Variants in GPR17 observed in about 807,000 individuals in gnomAD.
GPR17 encodes uracil nucleotide/cysteinyl leukotriene receptor.
GPR17 carries 4 observed loss-of-function variants against 1.5 expected under a neutral mutation model. The ratio of observed to expected loss-of-function variants is 2.73; its 90% CI spans 1.35 to 6.25. The LOEUF (loss-of-function observed/expected upper bound fraction) is 6.25, where lower values mean the gene tolerates loss of function less well. GPR17 is among the 30% of genes most tolerant of loss of function. The pLI is 0.00. For synonymous variants in GPR17, 209 were observed against 207.6 expected (o/e 1.01, Z -0.06); for missense variants, 463 against 462.1 (o/e 1.00, Z -0.02).
chr2:127,650,930 G>C lies in GPR17; in HGVS notation c.195G>C (p.Pro65=). Residue 65 remains proline, a synonymous_variant, in exon 2 of 2, where the codon CCG becomes CCC. Coordinates refer to ENST00000486700, the MANE Select transcript of GPR17 (RefSeq NM_001161417.2). ...TCCGAGACCACAAGTCCGGGACCCC[G>C]GCCAACGTGTTCCTGATGCATCTGG... ...LFIRDHKSGT[P]ANVFLMHLAV... 3 of 1,613,982 alleles carry C rather than the reference G, an allele frequency of 1.9e-6. No homozygotes were observed. The highest frequency in any genetic ancestry group is 8.5e-7 in the Non-Finnish European group (1 of 1,180,042).
chr2:127,649,722 G>C (rs573746589), intron 1 of GPR17, among the ~76,000 whole-genome samples: 14 of 152,368 alleles, frequency 9.2e-5, no homozygotes, highest in African/African-American at 3.4e-4. Flanking sequence ...ACCCTATCCA[G>C]ACCCAGGGTT....
chr2:127,650,045 A>G, intron 1 of GPR17: 2 of 1,608,686 alleles, frequency 1.2e-6, no homozygotes, highest in Non-Finnish European at 1.7e-6. Flanking sequence ...TGGATCCAGA[A>G]AGCCCCCAAG....
rs574404888 is a variant in GPR17, at chr2:127,650,631, T to C, written c.-20-85T>C. ...TTGAAAGTGGGAGGTTCTGAAGGCA[T>C]TGGAGGCCTGACTTCTGGACTTCAG... On this transcript the variant is annotated intron_variant, in intron 1 of 1. Coordinates refer to ENST00000486700, the MANE Select transcript of GPR17 (RefSeq NM_001161417.2). 6.6e-5 allele frequency: 62 copies of C among 935,988 alleles called. 1 individual carries two copies. The highest frequency in any genetic ancestry group is 4.8e-4 in the East Asian group (20 of 41,648). The allele number at this position is 935,988 out of a possible 1,614,324, so 58.0% of individuals were successfully genotyped here. A position where few individuals can be genotyped will look rare whatever the true frequency, so the allele number is the denominator to read the frequency against.
rs2105243642 is a variant in GPR17 at position 127,647,864 on chromosome 2, T to A, written c.-21+1620T>A. 6.6e-6 allele frequency among the ~76,000 whole-genome samples: 1 copy of A among 151,588 alleles called. No homozygotes were observed. ...ACACCCTCAAAGTCATGGGCCCCCCTCCCCTGCCACCGTCCCACCGGTACC... is the reference window on the plus strand; with the variant it reads ...ACACCCTCAAAGTCATGGGCCCCCCACCCCTGCCACCGTCCCACCGGTACC... On this transcript the variant is annotated intron_variant, in intron 1 of 1. Coordinates refer to ENST00000486700, the MANE Select transcript of GPR17 (RefSeq NM_001161417.2). The surrounding 1 kb of genome is among the most constrained non-coding windows in gnomAD (Gnocchi z 4.3).
chr2:127,650,185 C>G (rs971697602), intron 1 of GPR17: 20 of 999,628 alleles, frequency 2.0e-5, no homozygotes, highest in Middle Eastern at 3.1e-4. Context: ...AAGCAGAAAG[C>G]GGTGACACCC....
Position 127,651,297 on chromosome 2 carries a change from A to G in GPR17, c.562A>G (p.Lys188Glu). The G allele has an allele frequency of 6.2e-7, 1 of 1,608,542 alleles. No individual in the cohort carries two copies. The highest frequency in any genetic ancestry group is 8.5e-7 in the Non-Finnish European group (1 of 1,179,946). The stretch of plus-strand genomic sequence containing the variant: ...GGTCTGCCTGCAGCTGTACCGGGAG[A>G]AGGCCTCCCACCATGCCCTGGTGTC... ...TVVCLQLYREKASHHALVSLA... is the reference protein window; with the variant it reads ...TVVCLQLYREEASHHALVSLA... Residue 188 changes from lysine (K) to glutamate (E), a missense_variant, in exon 2 of 2, where the codon AAG becomes GAG. Physicochemically the swap from Lys to Glu is moderately conservative, Grantham distance 56. Transcript: ENST00000486700.
chr2:127,651,371 C>G lies in GPR17; in HGVS notation c.636C>G (p.Tyr212Ter), dbSNP rs757763005. Reference protein sequence around the residue: ...TFPFITTVTCYLLIIRSLRQG... With the variant: ...TFPFITTVTC Reference sequence around the variant, plus strand: ...CGTTCATCACCACGGTCACCTGCTACCTGCTGATCATCCGCAGCCTGCGGC... The same window carrying G: ...CGTTCATCACCACGGTCACCTGCTAGCTGCTGATCATCCGCAGCCTGCGGC... The change falls in exon 2 of 2, where the codon TAC (tyrosine) becomes TAG (stop). Residue 212 changes from tyrosine (Y) to a stop codon, truncating the protein, a stop_gained. Coordinates refer to ENST00000486700, the MANE Select transcript of GPR17 (RefSeq NM_001161417.2). LOFTEE classifies it low-confidence loss of function (END_TRUNC). 41 of 1,612,532 alleles carry G rather than the reference C, an allele frequency of 2.5e-5. No individual in the cohort carries two copies. Among genetic ancestry groups the G allele is most frequent in the Non-Finnish European group, 3.5e-5 (41 of 1,180,054 alleles).
In GPR17 at chr2:127,651,437, G is replaced by T; in HGVS notation, c.702G>T (p.Val234=). Residue 234 remains valine, a synonymous_variant, in exon 2 of 2, where the codon GTG becomes GTT. Transcript: ENST00000486700. ...RVEKRLKTKA[V]RMIAIVLAIF... Reference sequence around the variant, plus strand: ...AGAAGCGCCTCAAGACCAAGGCAGTGCGCATGATCGCCATAGTGCTGGCCA... The same window carrying T: ...AGAAGCGCCTCAAGACCAAGGCAGTTCGCATGATCGCCATAGTGCTGGCCA... 1 of 1,612,878 alleles carries T rather than the reference G, an allele frequency of 6.2e-7. No individual in the cohort carries two copies.
chr2:127,650,825 G>T lies in GPR17; in HGVS notation c.90G>T (p.Glu30Asp). Residue 30 changes from glutamate to aspartate, a missense_variant, in exon 2 of 2, where the codon GAG becomes GAT. Coordinates refer to ENST00000486700, the MANE Select transcript of GPR17 (RefSeq NM_001161417.2). ...AEQCGQETPLENMLFASFYLL... is the reference protein window; with the variant it reads ...AEQCGQETPLDNMLFASFYLL... ...AATGTGGCCAGGAGACGCCACTGGA[G>T]AACATGCTGTTCGCCTCCTTCTACC... The T allele has an allele frequency of 6.2e-7, 1 of 1,614,086 alleles. No homozygotes were observed. Among genetic ancestry groups the T allele is most frequent in the Non-Finnish European group, 8.5e-7 (1 of 1,179,976 alleles).
Position 127,651,775 on chromosome 2 carries a change from C to T in GPR17, c.*20C>T. 6.2e-7 allele frequency: 1 copy of T among 1,604,962 alleles called. No individual in the cohort carries two copies. The highest frequency in any genetic ancestry group is 8.5e-7 in the Non-Finnish European group (1 of 1,174,722). ...CTGTGAGCGGGGGGCGCCGTCCAGG[C>T]CGAGCGCAGACTGTTTAGGACTCAG... is the stretch of plus-strand genomic sequence containing the variant. On this transcript the variant is annotated 3_prime_UTR_variant, in exon 2 of 2. Coordinates refer to ENST00000486700, the MANE Select transcript of GPR17 (RefSeq NM_001161417.2).
intron 1 of GPR17, among the ~76,000 whole-genome samples, chr2:127,648,580 GC>G (rs2105248860): frequency 6.6e-6 from 1 of 152,258 alleles, no homozygotes; most frequent in African/African-American, 2.4e-5. Context: ...CGTGCCACCA[GC>G]ATCCTGAGAC....
intron 1 of GPR17, among the ~76,000 whole-genome samples, chr2:127,648,813 CAGG>C (rs912080277): frequency 1.1e-3 from 161 of 151,282 alleles, no homozygotes; most frequent in African/African-American, 3.8e-3. Context: ...CCCAGCTATT[CAGG>C]AGGTTGAGGT....
intron 1 of GPR17, chr2:127,650,296 C>G: frequency 1.7e-6 from 1 of 578,938 alleles, no homozygotes; most frequent in Non-Finnish European, 3.1e-6. Context: ...AGCTGGAATC[C>G]CGGAGACACA....
In GPR17 at chr2:127,647,525, C is replaced by T. The variant is rs969521128; in HGVS notation, c.-21+1281C>T. On this transcript the variant is annotated intron_variant, in intron 1 of 1. Transcript: ENST00000486700. The surrounding 1 kb of genome is among the most constrained non-coding windows in gnomAD (Gnocchi z 4.3). ...CAGTCGTACCTATGAGCTGCTCTCTCGTGGGGCCAGGTGATGCCTGCACTG... is the reference window on the plus strand; with the variant it reads ...CAGTCGTACCTATGAGCTGCTCTCTTGTGGGGCCAGGTGATGCCTGCACTG... 2.6e-5 allele frequency among the ~76,000 whole-genome samples: 4 copies of T among 152,168 alleles called. No individual in the cohort carries two copies. The highest frequency in any genetic ancestry group is 4.4e-5 in the Non-Finnish European group (3 of 68,016).
Position 127,651,947 on chromosome 2 carries a change from C to A in GPR17, c.*192C>A. 1.6e-6 allele frequency: 1 copy of A among 627,200 alleles called. No homozygotes were observed. The highest frequency in any genetic ancestry group is 2.9e-6 in the Non-Finnish European group (1 of 349,894). The allele number at this position is 627,200 out of a possible 1,614,324, so 38.9% of individuals were successfully genotyped here. A position where few individuals can be genotyped will look rare whatever the true frequency, so the allele number is the denominator to read the frequency against. On this transcript the variant is annotated 3_prime_UTR_variant, in exon 2 of 2. Transcript: ENST00000486700. The stretch of plus-strand genomic sequence containing the variant: ...TGACAAAGGGGATCCATCGGCCACC[C>A]CTCTGCAGGGGCTTGTGATGGCTAC...
At position 127,651,291 on chromosome 2, in the gene GPR17, C is replaced by G; in HGVS notation, c.556C>G (p.Arg186Gly). 1 of 1,607,984 alleles carries G rather than the reference C, an allele frequency of 6.2e-7. No individual in the cohort carries two copies. The highest frequency in any genetic ancestry group is 8.5e-7 in the Non-Finnish European group (1 of 1,179,882). The stretch of plus-strand genomic sequence containing the variant: ...CACGGTGGTCTGCCTGCAGCTGTAC[C>G]GGGAGAAGGCCTCCCACCATGCCCT... The part of the protein sequence containing the change: ...NHTVVCLQLY[R>G]EKASHHALVS... The change falls in exon 2 of 2, where the codon CGG becomes GGG. Residue 186 changes from arginine (R) to glycine (G), a missense_variant. Physicochemically the swap from Arg to Gly is moderately radical, Grantham distance 125. Coordinates refer to ENST00000486700, the MANE Select transcript of GPR17 (RefSeq NM_001161417.2).
intron 1 of GPR17, 79 bp downstream of exon 1, chr2:127,646,323 G>A (rs1331888234): frequency 1.3e-5 from 2 of 152,264 alleles, no homozygotes; most frequent in Non-Finnish European, 1.5e-5. Flanking sequence ...CCCTGCCCAG[G>A]GAGACAGGCA....
At chr2:127,650,001 C>T (rs1202955236) in intron 1 of GPR17, 3 of 1,604,398 alleles carry the variant, frequency 1.9e-6, no homozygotes, top group Non-Finnish European at 2.6e-6. Flanking sequence ...CAGGTCTCCC[C>T]ACCTGTCAGG....
Position 127,651,850 on chromosome 2 carries a change from G to A in GPR17, c.*95G>A. 1 of 1,187,842 alleles carries A rather than the reference G, an allele frequency of 8.4e-7. No homozygotes were observed. Among genetic ancestry groups the A allele is most frequent in the Non-Finnish European group, 1.2e-6 (1 of 833,920 alleles). 73.6% of individuals were successfully genotyped at this position (1,187,842 alleles called of 1,614,324 possible). Reference sequence around the variant, plus strand: ...CTTTCCCCAGCCACCTCCCCAGCAAGCAACCTGAAATCTCAGCAGATGCCC... The same window carrying A: ...CTTTCCCCAGCCACCTCCCCAGCAAACAACCTGAAATCTCAGCAGATGCCC... On this transcript the variant is annotated 3_prime_UTR_variant, in exon 2 of 2. Coordinates refer to ENST00000486700, the MANE Select transcript of GPR17 (RefSeq NM_001161417.2).
Sources: allele counts gnomAD v4.1 joint callset (sites outside exome capture counted in the v4.1 genomes callset), GRCh38; gene constraint gnomAD v4.1.1; non-coding constraint Gnocchi (gnomAD v3.1); transcripts MANE v1.5; gene names NCBI Gene and HGNC (gene_info 2026-07-23, HGNC 2026-07-21).